Variants in LMBRD1 observed in about 807,000 individuals in gnomAD.
LMBRD1 encodes LMBR1 domain containing 1.
Under a neutral mutation model 74.8 loss-of-function variants are expected in LMBRD1, and 64 were observed. That is an observed-to-expected ratio of 0.86 (90% CI 0.70 to 1.05). The LOEUF (loss-of-function observed/expected upper bound fraction) is 1.05. Among genes scored for constraint, LMBRD1 ranks in the 50% least tolerant of loss-of-function variants. The pLI, the probability that LMBRD1 is intolerant of heterozygous loss-of-function variation, is 0.00. For synonymous variants in LMBRD1, 204 were observed against 216.3 expected (o/e 0.94, Z 0.50); for missense variants, 652 against 645.9 (o/e 1.01, Z -0.10).
intron 3 of LMBRD1, among the ~76,000 whole-genome samples, chr6:69,768,111 G>C (rs368685707): frequency 1.3e-5 from 2 of 151,818 alleles, no homozygotes; most frequent in African/African-American, 4.8e-5. Flanking sequence ...ACACGTTGAC[G>C]AATCTTCATT....
chr6:69,688,766 T>C (rs975204919), intron 14 of LMBRD1, among the ~76,000 whole-genome samples: 1 of 152,014 alleles, frequency 6.6e-6, no homozygotes, highest in African/African-American at 2.4e-5. Context: ...AAAGTGATTA[T>C]CTACTTCTTT....
intron 1 of LMBRD1, among the ~76,000 whole-genome samples, chr6:69,794,975 C>G (rs751317462): frequency 6.6e-6 from 1 of 152,218 alleles, no homozygotes; most frequent in Non-Finnish European, 1.5e-5. Context: ...TGACATGAAT[C>G]TTCCACTTGT....
Position 69,790,398 on chromosome 6 carries a change from T to C in LMBRD1, c.144A>G (p.Ile48Met). The change falls in exon 2 of 16, where the codon ATA (isoleucine) becomes ATG (methionine). Residue 48 changes from isoleucine (I) to methionine (M), a missense_variant. Physicochemically the swap from Ile to Met is conservative, Grantham distance 10. Transcript: ENST00000649934. ...CAATTGCTAGAGAAAAAATTGCTGT[T>C]ATGGTGGAGACAACTTCACTTTCCC... Reference protein sequence around the residue: ...SRRESEVVSTITAIFSLAIAL... With the variant: ...SRRESEVVSTMTAIFSLAIAL... The C allele has an allele frequency of 2.5e-6, 4 of 1,614,040 alleles. No individual in the cohort carries two copies. Among genetic ancestry groups the C allele is most frequent in the South Asian group, 2.2e-5 (2 of 91,086 alleles).
At chr6:69,752,971 G>A (rs1765194184) in intron 3 of LMBRD1, among the ~76,000 whole-genome samples, 1 of 152,116 alleles carries the variant, frequency 6.6e-6, no homozygotes, top group Non-Finnish European at 1.5e-5. Context: ...TCCAAATTTT[G>A]CAATTTGTGA....
chr6:69,746,011 A>C (rs1767220268), intron 5 of LMBRD1: 1 of 216,692 alleles, frequency 4.6e-6, no homozygotes. Flanking sequence ...TAAATGTTCC[A>C]GCACGATTCC....
chr6:69,723,366 A>G (rs939949174), intron 7 of LMBRD1, among the ~76,000 whole-genome samples: 5 of 152,192 alleles, frequency 3.3e-5, no homozygotes, highest in African/African-American at 4.8e-5. Flanking sequence ...TGTGGAATAC[A>G]TATTCTTTTC....
chr6:69,754,107 G>T (rs58732922), intron 3 of LMBRD1, among the ~76,000 whole-genome samples: 6,575 of 152,060 alleles, frequency 0.043, 480 homozygotes, highest in African/African-American at 0.15. Flanking sequence ...CAAGGACACA[G>T]AAAGTAGGAC....
At position 69,741,785 on chromosome 6, in the gene LMBRD1, T is replaced by C; in HGVS notation, c.562+4A>G. 1 of 1,535,500 alleles carries C rather than the reference T, an allele frequency of 6.5e-7. No individual in the cohort carries two copies. The highest frequency in any genetic ancestry group is 9.0e-7 in the Non-Finnish European group (1 of 1,108,964). On this transcript the variant is annotated splice_donor_region_variant and intron_variant, in intron 6 of 15. Transcript: ENST00000649934. ...CTATGTTTTTTAAAAAAAACAATAC[T>C]TACGACTACTTCCAAGTTCTTCAAA...
At chr6:69,721,430 G>GC (rs1766612507) in intron 7 of LMBRD1, among the ~76,000 whole-genome samples, 2 of 152,150 alleles carry the variant, frequency 1.3e-5, no homozygotes, top group South Asian at 4.1e-4. Flanking sequence ...GAGTCGTCAG[G>GC]CCCCCATTCC....
intron 3 of LMBRD1, among the ~76,000 whole-genome samples, chr6:69,766,061 C>A (rs1303088803): frequency 1.3e-5 from 2 of 151,536 alleles, no homozygotes; most frequent in South Asian, 2.1e-4. Flanking sequence ...AATAATTCTT[C>A]TTTTCCAGTT....
Position 69,697,650 on chromosome 6 carries a change from T to C in LMBRD1, c.1339-9A>G. 2 of 1,494,616 alleles carry C rather than the reference T, an allele frequency of 1.3e-6. No homozygotes were observed. The highest frequency in any genetic ancestry group is 9.3e-7 in the Non-Finnish European group (1 of 1,073,654). The allele number at this position is 1,494,616 out of a possible 1,614,324, so 92.6% of individuals were successfully genotyped here. A position where few individuals can be genotyped will look rare whatever the true frequency, so the allele number is the denominator to read the frequency against. ...TCAGAAGTTATATTAGTCTGAAAGA[T>C]AAAAATACAGTTAAAATATAAAAAC... On this transcript the variant is annotated splice_polypyrimidine_tract_variant and intron_variant, in intron 13 of 15. Coordinates refer to ENST00000649934, the MANE Select transcript of LMBRD1 (RefSeq NM_018368.4).
chr6:69,777,051 G>A (rs533670397), intron 3 of LMBRD1, among the ~76,000 whole-genome samples: 1 of 152,232 alleles, frequency 6.6e-6, no homozygotes, highest in Admixed American at 6.5e-5. Flanking sequence ...GGGAGGCCGA[G>A]GCAAGAGAAT....
intron 3 of LMBRD1, among the ~76,000 whole-genome samples, chr6:69,754,295 TACGGAAAAA>T (rs1765227028): frequency 6.6e-6 from 1 of 151,294 alleles, no homozygotes; most frequent in Non-Finnish European, 1.5e-5. Context: ...AAAAAAAAAA[TACGGAAAAA>T]ATGCATGTTA....
chr6:69,726,607 A>G (rs1188190678), intron 7 of LMBRD1, among the ~76,000 whole-genome samples: 1 of 152,202 alleles, frequency 6.6e-6, no homozygotes, highest in Non-Finnish European at 1.5e-5. Context: ...TCATTATGCT[A>G]AGTGAAATAA....
chr6:69,748,813 G>A (rs568862791), intron 5 of LMBRD1, among the ~76,000 whole-genome samples: 3 of 151,930 alleles, frequency 2.0e-5, no homozygotes, highest in Non-Finnish European at 4.4e-5. Context: ...TTAAGAAAGG[G>A]AATTCATTGA....
intron 8 of LMBRD1, among the ~76,000 whole-genome samples, chr6:69,714,186 C>T (rs1442717699): frequency 1.3e-4 from 19 of 151,956 alleles, no homozygotes. Flanking sequence ...TGGCTCTGCC[C>T]CTTCCCTCTC....
Position 69,763,057 on chromosome 6 carries a change from ATTT to A in LMBRD1, c.308-10704_308-10702del, listed in dbSNP as rs138972920. ...TCGCTTTGGAACATGCCACTGGACA[ATTT>A]TTTTTTTAAGTAATGTTATAAAATA... On this transcript the variant is annotated intron_variant, in intron 3 of 15. Coordinates refer to ENST00000649934, the MANE Select transcript of LMBRD1 (RefSeq NM_018368.4). Among the ~76,000 whole-genome samples, 4 of 150,562 alleles carry A rather than the reference ATTT, an allele frequency of 2.7e-5. No individual in the cohort carries two copies. The East Asian group carries it at 7.9e-4, about 30-fold the overall frequency.
At chr6:69,698,916 G>T in intron 13 of LMBRD1, 127 bp downstream of exon 13, 1 of 675,492 alleles carries the variant, frequency 1.5e-6, no homozygotes, top group Non-Finnish European at 2.5e-6. Flanking sequence ...TAAAAAACCA[G>T]TTTTAGCAAT....
intron 3 of LMBRD1, among the ~76,000 whole-genome samples, chr6:69,764,332 A>ACTCTCTCTCTCT (rs113092782): frequency 8.1e-5 from 12 of 147,780 alleles, no homozygotes; most frequent in African/African-American, 2.8e-4. Flanking sequence ...TCGTTACCTC[A>ACTCTCTCTCTCT]CTCTCTCTCT....
Sources: allele counts gnomAD v4.1 joint callset (sites outside exome capture counted in the v4.1 genomes callset), GRCh38; gene constraint gnomAD v4.1.1; transcripts MANE v1.5; gene names NCBI Gene and HGNC (gene_info 2026-07-23, HGNC 2026-07-21).